The following TIAM2 variants were observed in gnomAD, a reference collection of about 807,000 sequenced individuals.
TIAM2 encodes TIAM Rac1 associated GEF 2.
TIAM2 carries 80 observed loss-of-function variants against 152.9 expected under a neutral mutation model. The observed-to-expected ratio is 0.52, with a 90% confidence interval of 0.44 to 0.63. The LOEUF is 0.63. TIAM2 is among the 30% of genes least tolerant of loss of function. The pLI, the probability that TIAM2 is intolerant of heterozygous loss-of-function variation, is 0.00. For synonymous variants in TIAM2, 804 were observed against 838.0 expected (o/e 0.96, Z 0.70); for missense variants, 1,965 against 2,120.1 (o/e 0.93, Z 1.44).
intron 1 of TIAM2, among the ~76,000 whole-genome samples, chr6:155,038,874 G>T (rs1011409703): frequency 1.3e-5 from 2 of 150,052 alleles, no homozygotes; most frequent in African/African-American, 4.9e-5. Context: ...TGAGGCTGCA[G>T]TGAGCTGTGA....
At chr6:155,037,321 C>T (rs77932360) in intron 1 of TIAM2, among the ~76,000 whole-genome samples, 2,124 of 152,246 alleles carry the variant, frequency 0.014, 34 homozygotes, top group East Asian at 0.057. Flanking sequence ...TAAGTAAACT[C>T]TGAAGGTGAC....
At chr6:155,031,270 G>T (rs1408281446) in intron 1 of TIAM2, among the ~76,000 whole-genome samples, 3 of 152,150 alleles carry the variant, frequency 2.0e-5, no homozygotes, top group Admixed American at 2.0e-4. Flanking sequence ...TATATGTTGT[G>T]CATATTTTAG....
chr6:155,148,265 G>A lies in TIAM2; in HGVS notation c.1959G>A (p.Met653Ile), dbSNP rs1354873796. 6.2e-7 allele frequency: 1 copy of A among 1,612,580 alleles called. No individual in the cohort carries two copies. Among genetic ancestry groups the A allele is most frequent in the African/African-American group, 1.3e-5 (1 of 74,994 alleles). The change falls in exon 7 of 27, where the codon ATG becomes ATA. Residue 653 changes from methionine (M) to isoleucine (I), a missense_variant. Transcript: ENST00000682666. Reference protein sequence around the residue: ...LLQKIDMDSKMKKMAELQLSV... With the variant: ...LLQKIDMDSKIKKMAELQLSV... ...AGAAGATAGACATGGACAGCAAGAT[G>A]AAGAAGATGGCAGAGCTGCAGCTGT...
chr6:155,218,304 C>T lies in TIAM2; in HGVS notation c.3168+6997C>T, dbSNP rs1781918445. Among the ~76,000 whole-genome samples, 1 of 152,178 alleles carries T rather than the reference C, an allele frequency of 6.6e-6. No individual in the cohort carries two copies. Among genetic ancestry groups the T allele is most frequent in the Non-Finnish European group, 1.5e-5 (1 of 68,020 alleles). ...GGCCTCCTCAAGGCAAACGCTTTGT[C>T]CCTGAAAAATGGTTTGGGGTGTGGC... On this transcript the variant is annotated intron_variant, in intron 15 of 26. Coordinates refer to ENST00000682666, the MANE Select transcript of TIAM2 (RefSeq NM_012454.4). This position sits in a 1 kb window ranked among gnomAD's most constrained non-coding sequence, Gnocchi z 4.5.
intron 2 of TIAM2, among the ~76,000 whole-genome samples, chr6:155,095,991 C>G (rs562104407): frequency 2.0e-5 from 3 of 152,146 alleles, no homozygotes; most frequent in African/African-American, 7.2e-5. Flanking sequence ...TTTGTTTTAC[C>G]TTAGCCAAAA....
intron 15 of TIAM2, among the ~76,000 whole-genome samples, chr6:155,231,559 A>G (rs1298747237): frequency 1.3e-5 from 2 of 151,700 alleles, no homozygotes; most frequent in African/African-American, 4.8e-5. Flanking sequence ...TTCCTTCTCC[A>G]CTCCACGGAG....
chr6:155,093,510 G>A (rs1226623374), intron 2 of TIAM2, among the ~76,000 whole-genome samples: 2 of 152,206 alleles, frequency 1.3e-5, no homozygotes, highest in African/African-American at 2.4e-5. Context: ...CATGTGTAAG[G>A]GGAAGCAGGG....
intron 2 of TIAM2, among the ~76,000 whole-genome samples, chr6:155,124,252 C>T (rs909096714): frequency 6.6e-6 from 1 of 152,172 alleles, no homozygotes; most frequent in Non-Finnish European, 1.5e-5. Context: ...ACCTCCTGGG[C>T]TTAAGTGCTC....
At chr6:155,229,032 T>C (rs1449452657) in intron 15 of TIAM2, among the ~76,000 whole-genome samples, 5 of 152,208 alleles carry the variant, frequency 3.3e-5, no homozygotes, top group Non-Finnish European at 7.4e-5. Context: ...CCGCATTTCC[T>C]CCAGACAGCG....
intron 15 of TIAM2, among the ~76,000 whole-genome samples, chr6:155,227,066 G>A (rs1782274306): frequency 1.3e-5 from 2 of 152,234 alleles, no homozygotes; most frequent in Admixed American, 1.3e-4. Context: ...TACTAAGTTG[G>A]AAAGGAAAGT....
intron 1 of TIAM2, among the ~76,000 whole-genome samples, chr6:155,005,588 C>T (rs1778386319): frequency 1.3e-5 from 2 of 151,930 alleles, no homozygotes; most frequent in African/African-American, 4.8e-5. Context: ...GATCCACCCA[C>T]CTTGGCCTCT....
intron 5 of TIAM2, 77 bp from the exon 6 acceptor site, chr6:155,144,529 T>C (rs1779780612): frequency 9.5e-6 from 13 of 1,375,414 alleles, no homozygotes; most frequent in African/African-American, 1.5e-5. Context: ...TTTAAAAAAG[T>C]GTGTCACTTA....
At chr6:155,240,477 A>G in intron 15 of TIAM2, 53 bp from the exon 16 acceptor site, 11 of 1,537,274 alleles carry the variant, frequency 7.2e-6, no homozygotes, top group Non-Finnish European at 9.7e-6. Flanking sequence ...GGGGCAGCGG[A>G]TACTATCAGG....
At chr6:155,216,447 G>A (rs747111608) in intron 15 of TIAM2, among the ~76,000 whole-genome samples, 2 of 152,166 alleles carry the variant, frequency 1.3e-5, no homozygotes, top group Admixed American at 6.5e-5. Flanking sequence ...TGTACCCAGG[G>A]CTTTTGACAG....
At chr6:155,243,988 C>G (rs747944011) in intron 16 of TIAM2, 23 bp from the exon 17 acceptor site, 19 of 1,607,826 alleles carry the variant, frequency 1.2e-5, no homozygotes, top group South Asian at 1.1e-5. Context: ...GCGTTGAAGA[C>G]ACTTTCTTCT....
At chr6:155,168,936 G>T (rs1055483624) in intron 9 of TIAM2, 1 of 1,513,974 alleles carries the variant, frequency 6.6e-7, no homozygotes, top group East Asian at 2.5e-5. Context: ...GCTATAGATG[G>T]CCGCCATCTT....
intron 1 of TIAM2, among the ~76,000 whole-genome samples, chr6:154,999,334 C>G (rs1024515202): frequency 1.3e-5 from 2 of 151,966 alleles, no homozygotes; most frequent in African/African-American, 4.8e-5. Flanking sequence ...CCTCAGCCTC[C>G]CGAGTAGCTG....
At chr6:155,081,763 T>A (rs905851256) in intron 1 of TIAM2, among the ~76,000 whole-genome samples, 1 of 152,242 alleles carries the variant, frequency 6.6e-6, no homozygotes, top group African/African-American at 2.4e-5. Flanking sequence ...AAGTGATGTG[T>A]GAATGTTTCT....
chr6:155,252,785 T>C, intron 23 of TIAM2, 163 bp from the exon 24 acceptor site: 1 of 605,502 alleles, frequency 1.7e-6, no homozygotes, highest in South Asian at 2.2e-5. Flanking sequence ...GTGAGGTCTT[T>C]GAGAACTGGG....
Sources: allele counts gnomAD v4.1 joint callset (sites outside exome capture counted in the v4.1 genomes callset), GRCh38; gene constraint gnomAD v4.1.1; non-coding constraint Gnocchi (gnomAD v3.1); transcripts MANE v1.5; gene names NCBI Gene and HGNC (gene_info 2026-07-23, HGNC 2026-07-21).